Variants in OSBP2 observed in about 807,000 individuals in gnomAD.
OSBP2 encodes the protein oxysterol-binding protein 2.
In OSBP2, 66 loss-of-function variants were observed where a neutral mutation model predicts 96.0. That is an observed-to-expected ratio of 0.69 (90% confidence interval 0.56 to 0.84). The LOEUF (loss-of-function observed/expected upper bound fraction) is 0.84. Among genes scored for constraint, OSBP2 ranks in the 40% least tolerant of loss-of-function variants. The pLI is 0.00. For missense variants in OSBP2, 1,038 were observed against 1,222.7 expected, an observed-to-expected ratio of 0.85 and a Z score of 2.25; for synonymous variants, 525 against 520.9, an observed-to-expected ratio of 1.01 and a Z score of -0.11.
intron 2 of OSBP2, among the ~76,000 whole-genome samples, chr22:30,846,993 T>A (rs184553663): frequency 4.3e-4 from 66 of 152,256 alleles, no homozygotes; most frequent in Non-Finnish European, 8.2e-4. Flanking sequence ...TTATTTATTT[T>A]TTGAGATGGA....
rs546660811 is a variant in OSBP2, at chr22:30,757,665, G to A, written c.853+16296G>A. Among the ~76,000 whole-genome samples the A allele has an allele frequency of 1.2e-4, 18 of 152,072 alleles. No homozygotes were observed. The South Asian group carries it at 2.5e-3, about 21-fold the overall frequency. The stretch of plus-strand genomic sequence containing the variant: ...ACTCCTGACCTCAAGTGGTCTGCCC[G>A]CCTCGGCCTCCCAAAGTGCTGGGAT... On this transcript the variant is annotated intron_variant, in intron 2 of 13. Transcript: ENST00000332585.
At chr22:30,898,138 G>C (rs910905242) in intron 12 of OSBP2, among the ~76,000 whole-genome samples, 13 of 151,956 alleles carry the variant, frequency 8.6e-5, no homozygotes, top group Non-Finnish European at 1.8e-4. Flanking sequence ...ATAAGAGCAA[G>C]AGCAAAAGCC....
chr22:30,710,711 A>G (rs2089332712), intron 1 of OSBP2, among the ~76,000 whole-genome samples: 1 of 151,980 alleles, frequency 6.6e-6, no homozygotes, highest in South Asian at 2.1e-4. Flanking sequence ...CCCAGGTTCA[A>G]GCGATTCTCC....
At chr22:30,829,680 C>T (rs920795164) in intron 2 of OSBP2, among the ~76,000 whole-genome samples, 6 of 152,216 alleles carry the variant, frequency 3.9e-5, no homozygotes, top group African/African-American at 7.2e-5. Flanking sequence ...TTTGTCAGAA[C>T]GAGACTCTTC....
At chr22:30,838,822 TGTTTC>T (rs1161384969) in intron 2 of OSBP2, among the ~76,000 whole-genome samples, 46 of 151,896 alleles carry the variant, frequency 3.0e-4, no homozygotes, top group South Asian at 2.3e-3. Context: ...TTGTTGTTGT[TGTTTC>T]GTTTTGTTTT....
At chr22:30,831,192 G>A (rs1043223067) in intron 2 of OSBP2, among the ~76,000 whole-genome samples, 2 of 152,162 alleles carry the variant, frequency 1.3e-5, no homozygotes, top group African/African-American at 2.4e-5. Flanking sequence ...TGCTTGGGGC[G>A]GGTGTGGACA....
chr22:30,761,222 C>G (rs2090201093), intron 2 of OSBP2, among the ~76,000 whole-genome samples: 1 of 152,124 alleles, frequency 6.6e-6, no homozygotes, highest in African/African-American at 2.4e-5. Flanking sequence ...CCCAGGAAAT[C>G]TACAAAAATA....
chr22:30,727,525 G>T (rs1298618032), intron 1 of OSBP2, among the ~76,000 whole-genome samples: 1 of 152,084 alleles, frequency 6.6e-6, no homozygotes, highest in Non-Finnish European at 1.5e-5. Context: ...GCTGGACAGC[G>T]AGCTCTGTGG....
intron 2 of OSBP2, among the ~76,000 whole-genome samples, chr22:30,789,318 CAA>C (rs111920437): frequency 4.9e-4 from 74 of 152,258 alleles, no homozygotes; most frequent in African/African-American, 1.7e-3. Context: ...CCAACCTTGA[CAA>C]GAGAGAGGGG....
intron 2 of OSBP2, among the ~76,000 whole-genome samples, chr22:30,838,286 G>T (rs1266485294): frequency 6.6e-6 from 1 of 152,136 alleles, no homozygotes; most frequent in Non-Finnish European, 1.5e-5. Context: ...TCCAACTTGT[G>T]TTCCAGTGTT....
At chr22:30,769,852 G>C (rs1259649278) in intron 2 of OSBP2, among the ~76,000 whole-genome samples, 1 of 152,076 alleles carries the variant, frequency 6.6e-6, no homozygotes, top group Non-Finnish European at 1.5e-5. Context: ...TACCTCCATA[G>C]ACAGTGATAT....
intron 2 of OSBP2, among the ~76,000 whole-genome samples, chr22:30,769,743 C>T (rs1347642651): frequency 1.3e-5 from 2 of 152,206 alleles, no homozygotes; most frequent in Non-Finnish European, 2.9e-5. Flanking sequence ...CAGTCGTCAT[C>T]ACTACCATTC....
In OSBP2 at chr22:30,870,740, C is replaced by T; in HGVS notation, c.1107+58C>T. 1 of 1,570,020 alleles carries T rather than the reference C, an allele frequency of 6.4e-7. No homozygotes were observed. The highest frequency in any genetic ancestry group is 1.1e-5 in the South Asian group (1 of 87,310). On this transcript the variant is annotated intron_variant, in intron 3 of 13. Coordinates refer to ENST00000332585, the MANE Select transcript of OSBP2 (RefSeq NM_030758.4). The surrounding 1 kb of genome is among the most constrained non-coding windows in gnomAD (Gnocchi z 4.1). ...GCTCCCTGGCTCCAGCCCCGGGGTC[C>T]CTCGGTGGGTGACCAGGGTCAGCTT...
intron 12 of OSBP2, among the ~76,000 whole-genome samples, chr22:30,905,359 G>A (rs1399385102): frequency 6.6e-6 from 1 of 151,610 alleles, no homozygotes; most frequent in Non-Finnish European, 1.5e-5. Flanking sequence ...GGCCAGGCTG[G>A]TCTCGAACTC....
At chr22:30,753,666 C>T (rs1016043162) in intron 2 of OSBP2, among the ~76,000 whole-genome samples, 8 of 152,228 alleles carry the variant, frequency 5.3e-5, no homozygotes, top group Non-Finnish European at 5.9e-5. Flanking sequence ...CACCACAGAG[C>T]GGGATGATGT....
intron 2 of OSBP2, among the ~76,000 whole-genome samples, chr22:30,830,649 C>G (rs1455551369): frequency 6.6e-6 from 1 of 152,232 alleles, no homozygotes; most frequent in Non-Finnish European, 1.5e-5. Context: ...CCTCACCTGT[C>G]CCCCAGCACA....
chr22:30,760,456 G>A (rs1012762454), intron 2 of OSBP2, among the ~76,000 whole-genome samples: 5 of 152,196 alleles, frequency 3.3e-5, no homozygotes, highest in African/African-American at 1.2e-4. Flanking sequence ...CCATGATCAA[G>A]TGGATTTCAT....
At chr22:30,705,796 C>A (rs780716133) in intron 1 of OSBP2, among the ~76,000 whole-genome samples, 1 of 152,138 alleles carries the variant, frequency 6.6e-6, no homozygotes, top group Non-Finnish European at 1.5e-5. Flanking sequence ...ATGTGCAAGG[C>A]AGTGTGAGTG....
chr22:30,838,914 G>T (rs1602338770), intron 2 of OSBP2, among the ~76,000 whole-genome samples: 1 of 150,508 alleles, frequency 6.6e-6, no homozygotes, highest in South Asian at 2.1e-4. Flanking sequence ...TATACATGTG[G>T]CATGCTGGTG....
Sources: allele counts gnomAD v4.1 joint callset (sites outside exome capture counted in the v4.1 genomes callset), GRCh38; gene constraint gnomAD v4.1.1; non-coding constraint Gnocchi (gnomAD v3.1); transcripts MANE v1.5; gene names NCBI Gene and HGNC (gene_info 2026-07-23, HGNC 2026-07-21).